The following ACTR10 variants were observed in gnomAD, a reference collection of about 807,000 sequenced individuals.
The protein encoded by ACTR10 is actin-related protein 10.
In ACTR10, 43 loss-of-function variants were observed where a neutral mutation model predicts 56.2. The observed-to-expected ratio is 0.77, with a 90% CI of 0.60 to 0.99. ACTR10 has a LOEUF of 0.99. Among genes scored for constraint, ACTR10 ranks in the 50% least tolerant of loss-of-function variants. The probability of loss-of-function intolerance (pLI) is 0.00; values close to 1 mark genes in which losing one functional copy is unlikely to be tolerated. For synonymous variants in ACTR10, 170 were observed against 176.3 expected, an observed-to-expected ratio of 0.96 and a Z score of 0.28; for missense variants, 466 against 507.8, an observed-to-expected ratio of 0.92 and a Z score of 0.79.
intron 7 of ACTR10, among the ~76,000 whole-genome samples, chr14:58,217,540 C>A (rs1213123055): frequency 6.6e-6 from 1 of 151,940 alleles, no homozygotes; most frequent in Non-Finnish European, 1.5e-5. Context: ...GGTGGCTAAT[C>A]CTGTAATCCC....
chr14:58,213,645 C>A lies in ACTR10; in HGVS notation c.465C>A (p.Ile155=), dbSNP rs140404837. 6.2e-7 allele frequency: 1 copy of A among 1,611,274 alleles called. No individual in the cohort carries two copies. The highest frequency in any genetic ancestry group is 1.7e-5 in the Admixed American group (1 of 59,836). ...CTACTCTATAGATATATGAAGGAAT[C>A]CCAGTTCTAAATTGTTGGGGAGCAC... The part of the protein sequence containing the change: ...ESLVLPIYEG[I]PVLNCWGALP... The change falls in exon 6 of 13, where the codon ATC becomes ATA. Residue 155 remains isoleucine, a synonymous_variant. Coordinates refer to ENST00000254286, the MANE Select transcript of ACTR10 (RefSeq NM_018477.3).
chr14:58,214,576 C>G (rs1294129026), intron 6 of ACTR10, among the ~76,000 whole-genome samples: 1 of 151,444 alleles, frequency 6.6e-6, no homozygotes, highest in Non-Finnish European at 1.5e-5. Flanking sequence ...CCGCAACCTC[C>G]GCTGCCTGGT....
chr14:58,223,997 T>C, intron 10 of ACTR10, 141 bp downstream of exon 10: 1 of 752,068 alleles, frequency 1.3e-6, no homozygotes, highest in Middle Eastern at 3.9e-4. Flanking sequence ...TCATGATTAA[T>C]TTTATTCAGC....
chr14:58,231,330 G>C (rs1210824063), intron 11 of ACTR10, among the ~76,000 whole-genome samples: 2 of 151,196 alleles, frequency 1.3e-5, no homozygotes, highest in African/African-American at 4.8e-5. Flanking sequence ...GTACAGGCGT[G>C]AGCCACCAAA....
intron 4 of ACTR10, 41 bp from the exon 5 acceptor site, chr14:58,211,251 A>T: frequency 1.6e-4 from 178 of 1,094,646 alleles, no homozygotes; most frequent in Non-Finnish European, 2.2e-4. Flanking sequence ...AAATAATGAC[A>T]CTCATTCCGG....
Position 58,213,643 on chromosome 14 carries a change from A to C in ACTR10, c.463A>C (p.Ile155Leu). 2 of 1,611,264 alleles carry C rather than the reference A, an allele frequency of 1.2e-6. No homozygotes were observed. The highest frequency in any genetic ancestry group is 1.7e-6 in the Non-Finnish European group (2 of 1,178,074). ...GACTACTCTATAGATATATGAAGGA[A>C]TCCCAGTTCTAAATTGTTGGGGAGC... is the stretch of plus-strand genomic sequence containing the variant. ...ESLVLPIYEG[I>L]PVLNCWGALP... Residue 155 changes from isoleucine to leucine, a missense_variant, in exon 6 of 13, where the codon ATC (isoleucine) becomes CTC (leucine). Physicochemically the swap from Ile to Leu is conservative, Grantham distance 5. Transcript: ENST00000254286.
intron 5 of ACTR10, 83 bp downstream of exon 5, chr14:58,211,482 A>T (rs1888994072): frequency 2.0e-6 from 2 of 1,019,554 alleles, no homozygotes; most frequent in Admixed American, 1.9e-5. Context: ...AATGATTTGT[A>T]TTGTACTGAA....
rs1889564247 is a variant in ACTR10, at chr14:58,232,413, T to TC, written c.1072+146_1072+147insC. On this transcript the variant is annotated intron_variant, in intron 12 of 12. Transcript: ENST00000254286. Reference sequence around the variant, plus strand: ...CTAACACTGACTTTTTCTTTTTTTTTTTTTTTTTTTTTTTTTTTGAGACGG... The same window carrying TC: ...CTAACACTGACTTTTTCTTTTTTTTTCTTTTTTTTTTTTTTTTTTGAGACGG... The TC allele has an allele frequency of 1.9e-5, 10 of 540,526 alleles. No individual in the cohort carries two copies. In the South Asian group the frequency reaches 3.3e-4, roughly 18 times the overall value. The allele number at this position is 540,526 out of a possible 1,614,324, so 33.5% of individuals were successfully genotyped here. A position where few individuals can be genotyped will look rare whatever the true frequency, so the allele number is the denominator to read the frequency against.
At chr14:58,207,698 T>C (rs1191516847) in intron 2 of ACTR10, among the ~76,000 whole-genome samples, 1 of 152,172 alleles carries the variant, frequency 6.6e-6, no homozygotes, top group Non-Finnish European at 1.5e-5. Flanking sequence ...GCCATGCTCT[T>C]TACTTCCTAT....
At chr14:58,220,649 G>A (rs922350697) in intron 8 of ACTR10, among the ~76,000 whole-genome samples, 25 of 152,144 alleles carry the variant, frequency 1.6e-4, no homozygotes, top group Non-Finnish European at 1.6e-4. Context: ...CCTCCAACCT[G>A]TGAAAAGATG....
intron 1 of ACTR10, 60 bp downstream of exon 1, chr14:58,200,354 A>G: frequency 7.3e-7 from 1 of 1,370,742 alleles, no homozygotes; most frequent in Non-Finnish European, 9.6e-7. Flanking sequence ...GCAGAGCCCC[A>G]GGCACTGCCT....
At chr14:58,230,121 C>T (rs1889495426) in intron 10 of ACTR10, among the ~76,000 whole-genome samples, 1 of 151,354 alleles carries the variant, frequency 6.6e-6, no homozygotes, top group Non-Finnish European at 1.5e-5. Flanking sequence ...AAATGTAAAT[C>T]TATACATAAT....
rs573406291 is a variant in ACTR10, at chr14:58,227,306, G to A, written c.789-3093G>A. The stretch of plus-strand genomic sequence containing the variant: ...AGCATTTTGGTAGGCCAAGGCGGGC[G>A]GATCACTTGAGGTCACGAGTTTGAC... On this transcript the variant is annotated intron_variant, in intron 10 of 12. Coordinates refer to ENST00000254286, the MANE Select transcript of ACTR10 (RefSeq NM_018477.3). Among the ~76,000 whole-genome samples the A allele has an allele frequency of 2.4e-4, 36 of 152,068 alleles. No homozygotes were observed. The South Asian group carries it at 4.4e-3, about 18-fold the overall frequency.
At chr14:58,213,536 A>T in intron 5 of ACTR10, 95 bp from the exon 6 acceptor site, 1 of 659,696 alleles carries the variant, frequency 1.5e-6, no homozygotes, top group Non-Finnish European at 2.4e-6. Context: ...TTTGTCACTA[A>T]AGCATATTTA....
At chr14:58,232,043 T>C in intron 11 of ACTR10, 23 bp from the exon 12 acceptor site, 1 of 1,559,170 alleles carries the variant, frequency 6.4e-7, no homozygotes, top group South Asian at 1.2e-5. Flanking sequence ...AATAAATCCT[T>C]CTTTTTTTCT....
intron 3 of ACTR10, 30 bp from the exon 4 acceptor site, chr14:58,208,969 A>T: frequency 6.8e-7 from 1 of 1,469,226 alleles, no homozygotes; most frequent in Non-Finnish European, 9.5e-7. Flanking sequence ...AAAAACTTTT[A>T]CTTTTAAAAC....
chr14:58,228,445 C>T (rs1334016881), intron 10 of ACTR10, among the ~76,000 whole-genome samples: 1 of 151,946 alleles, frequency 6.6e-6, no homozygotes, highest in East Asian at 1.9e-4. Flanking sequence ...ATGGCAAAAC[C>T]CCGTCTCTAC....
Position 58,234,557 on chromosome 14 carries a change from T to G in ACTR10, c.*6T>G. On this transcript the variant is annotated 3_prime_UTR_variant, in exon 13 of 13. Coordinates refer to ENST00000254286, the MANE Select transcript of ACTR10 (RefSeq NM_018477.3). Reference sequence around the variant, plus strand: ...CATTTTCCACTGAGAAATAGAAGTTTGATTAAAAATCAACCTTGCTTCATA... The same window carrying G: ...CATTTTCCACTGAGAAATAGAAGTTGGATTAAAAATCAACCTTGCTTCATA... 1 of 1,602,076 alleles carries G rather than the reference T, an allele frequency of 6.2e-7. No homozygotes were observed. Among genetic ancestry groups the G allele is most frequent in the Non-Finnish European group, 8.5e-7 (1 of 1,173,740 alleles).
intron 2 of ACTR10, among the ~76,000 whole-genome samples, chr14:58,203,302 CAAAAA>C (rs11384472): frequency 9.5e-6 from 1 of 105,466 alleles, no homozygotes. Context: ...GACTTCGTCT[CAAAAA>C]AAAAAAAAAA....
Sources: gnomAD v4.1 joint callset for allele counts (sites outside exome capture counted in the v4.1 genomes callset) on GRCh38, gnomAD v4.1.1 for gene constraint, MANE v1.5 for transcripts, NCBI Gene and HGNC (gene_info 2026-07-23, HGNC 2026-07-21) for gene names.